CSMD1: variants seen among roughly 807,000 people sequenced by gnomAD.
CSMD1 encodes the protein CUB and sushi domain-containing protein 1.
CSMD1 carries 213 observed loss-of-function variants against 417.5 expected under a neutral mutation model. That is an observed-to-expected ratio of 0.51 (90% CI 0.46 to 0.57). The LOEUF (loss-of-function observed/expected upper bound fraction) is 0.57. Ranked by LOEUF, CSMD1 falls within the 20% of genes least tolerant of loss-of-function variation. CSMD1 has a pLI of 0.00. For synonymous variants in CSMD1, 2,862 were observed against 1,736.8 expected (o/e 1.65, Z -16.11); for missense variants, 6,923 against 4,529.7 (o/e 1.53, Z -15.17).
chr8:3,711,479 T>C (rs568650973), intron 6 of CSMD1, among the ~76,000 whole-genome samples: 1 of 152,158 alleles, frequency 6.6e-6, no homozygotes, highest in Non-Finnish European at 1.5e-5. Context: ...AGGGCGCTGG[T>C]TCATGAACGT....
intron 2 of CSMD1, among the ~76,000 whole-genome samples, chr8:4,515,377 G>C (rs1401494795): frequency 6.6e-6 from 1 of 152,140 alleles, no homozygotes; most frequent in Non-Finnish European, 1.5e-5. Context: ...GGAGAGAGAT[G>C]TTAAATGTTA....
At chr8:4,583,758 C>CA in intron 2 of CSMD1, among the ~76,000 whole-genome samples, 1 of 149,508 alleles carries the variant, frequency 6.7e-6, no homozygotes, top group East Asian at 1.9e-4. Flanking sequence ...TGGGCTCTAT[C>CA]AATCAGCAGG....
intron 49 of CSMD1, among the ~76,000 whole-genome samples, chr8:3,079,440 T>C (rs186906438): frequency 6.6e-6 from 1 of 152,350 alleles, no homozygotes; most frequent in Admixed American, 6.5e-5. Flanking sequence ...TCTGGAAATA[T>C]TGTATTAATA....
intron 26 of CSMD1, among the ~76,000 whole-genome samples, chr8:3,230,877 A>T (rs144375253): frequency 8.3e-4 from 127 of 152,268 alleles, no homozygotes; most frequent in African/African-American, 3.0e-3. Flanking sequence ...CTTTCTGCAT[A>T]TATATAAAGA....
intron 8 of CSMD1, among the ~76,000 whole-genome samples, chr8:3,590,912 A>G (rs558708620): frequency 6.6e-6 from 1 of 152,334 alleles, no homozygotes; most frequent in South Asian, 2.1e-4. Flanking sequence ...TGTCGAATAT[A>G]TAATAAACTA....
chr8:4,448,175 C>G (rs911936344), intron 2 of CSMD1, among the ~76,000 whole-genome samples: 111 of 152,264 alleles, frequency 7.3e-4, no homozygotes, highest in Non-Finnish European at 1.6e-4. Flanking sequence ...AACATGTAAC[C>G]ATAATGTCTA....
chr8:4,373,221 G>C (rs1168557554), intron 3 of CSMD1, among the ~76,000 whole-genome samples: 2 of 152,172 alleles, frequency 1.3e-5, no homozygotes, highest in African/African-American at 4.8e-5. Flanking sequence ...AGAGGAGTCT[G>C]AGAAACTACC....
At chr8:4,561,036 T>A (rs1249869974) in intron 2 of CSMD1, among the ~76,000 whole-genome samples, 1 of 152,086 alleles carries the variant, frequency 6.6e-6, no homozygotes, top group South Asian at 2.1e-4. Flanking sequence ...CCCATACCAA[T>A]CCACAGGAAT....
At chr8:3,157,078 G>C (rs187912332) in intron 39 of CSMD1, among the ~76,000 whole-genome samples, 3 of 151,528 alleles carry the variant, frequency 2.0e-5, no homozygotes, top group Admixed American at 6.6e-5. Context: ...TGGAGAAGCC[G>C]ATCACTTTGT....
At chr8:3,534,158 G>C (rs1489761166) in intron 10 of CSMD1, among the ~76,000 whole-genome samples, 2 of 152,100 alleles carry the variant, frequency 1.3e-5, no homozygotes, top group African/African-American at 4.8e-5. Flanking sequence ...AAATACCCTT[G>C]AAGTAATTCC....
intron 1 of CSMD1, among the ~76,000 whole-genome samples, chr8:4,830,487 A>T (rs1800087208): frequency 6.6e-6 from 1 of 152,232 alleles, no homozygotes; most frequent in Non-Finnish European, 1.5e-5. Flanking sequence ...GATTGTCATC[A>T]TAGAAGAATC....
chr8:4,940,907 C>G (rs533064918), intron 1 of CSMD1, among the ~76,000 whole-genome samples: 1 of 152,134 alleles, frequency 6.6e-6, no homozygotes, highest in African/African-American at 2.4e-5. Context: ...TCTTTATTCT[C>G]CAAGAGGAGA....
At chr8:4,009,782 A>G (rs17068531) in intron 4 of CSMD1, among the ~76,000 whole-genome samples, 1,970 of 152,160 alleles carry the variant, frequency 0.013, 48 homozygotes, top group African/African-American at 0.045. Flanking sequence ...ACCCAGAGAC[A>G]TGGACCATTC....
At chr8:4,207,519 T>A (rs1375557558) in intron 3 of CSMD1, among the ~76,000 whole-genome samples, 3 of 152,148 alleles carry the variant, frequency 2.0e-5, no homozygotes, top group East Asian at 1.9e-4. Context: ...TTTCTTAAAC[T>A]GAAGTTTTAG....
intron 20 of CSMD1, among the ~76,000 whole-genome samples, chr8:3,359,565 G>C (rs528958599): frequency 4.7e-4 from 71 of 149,776 alleles, no homozygotes; most frequent in African/African-American, 1.7e-3. Flanking sequence ...AGAATTGACA[G>C]GTAAGAATGA....
rs766748781 is a variant in CSMD1, at chr8:4,110,846, CAG to C, written c.416-78749_416-78748del. The stretch of plus-strand genomic sequence containing the variant: ...CTATTTCTACTTTTTTTAAGGAAAT[CAG>C]AGACTTTTTTCCTTGAAGAGTACTG... On this transcript the variant is annotated intron_variant, in intron 3 of 69. Coordinates refer to ENST00000635120, the MANE Select transcript of CSMD1 (RefSeq NM_033225.6). Among the ~76,000 whole-genome samples, 148 of 152,100 alleles carry C rather than the reference CAG, an allele frequency of 9.7e-4. 3 individuals are homozygous for C. Among genetic ancestry groups the C allele is most frequent in the Non-Finnish European group, 1.1e-3 (74 of 67,964 alleles).
At chr8:3,733,208 C>G (rs1464117965) in intron 6 of CSMD1, among the ~76,000 whole-genome samples, 1 of 128,426 alleles carries the variant, frequency 7.8e-6, no homozygotes, top group Non-Finnish European at 1.5e-5. Flanking sequence ...CACACACACT[C>G]TCTCTCTCTC....
intron 18 of CSMD1, among the ~76,000 whole-genome samples, chr8:3,382,709 T>G (rs544473815): frequency 1.3e-5 from 2 of 151,066 alleles, no homozygotes; most frequent in Admixed American, 1.3e-4. Flanking sequence ...TTATTAGTGT[T>G]GCATTTCTTC....
chr8:4,264,665 G>A (rs76471199), intron 3 of CSMD1, among the ~76,000 whole-genome samples: 2 of 152,118 alleles, frequency 1.3e-5, no homozygotes, highest in East Asian at 1.9e-4. Flanking sequence ...CATATTCACC[G>A]AGGTGGTCAT....
Sources: gnomAD v4.1 joint callset for allele counts (sites outside exome capture counted in the v4.1 genomes callset) on GRCh38, gnomAD v4.1.1 for gene constraint, MANE v1.5 for transcripts, NCBI Gene and HGNC (gene_info 2026-07-23, HGNC 2026-07-21) for gene names.